Variants in CBR4 observed in about 807,000 individuals in gnomAD.
CBR4 encodes 3-oxoacyl-[acyl-carrier-protein] reductase.
A neutral mutation model predicts 21.0 loss-of-function variants in CBR4; 22 were observed. The ratio of observed to expected loss-of-function variants is 1.05; its 90% confidence interval spans 0.75 to 1.50. The LOEUF (loss-of-function observed/expected upper bound fraction) is 1.50. Ranked by LOEUF, CBR4 falls within the 40% of genes most tolerant of loss-of-function variation. The probability of loss-of-function intolerance (pLI) is 0.00; values close to 1 mark genes in which losing one functional copy is unlikely to be tolerated. For missense variants in CBR4, 302 were observed against 286.3 expected, an observed-to-expected ratio of 1.05 and a Z score of -0.40; for synonymous variants, 100 against 104.4, an observed-to-expected ratio of 0.96 and a Z score of 0.26.
chr4:168,989,380 A>G lies in CBR4; in HGVS notation c.*770T>C. The G allele has an allele frequency of 6.1e-6, 6 of 985,416 alleles. No homozygotes were observed. The highest frequency in any genetic ancestry group is 7.2e-6 in the Non-Finnish European group (6 of 829,886). The allele number at this position is 985,416 out of a possible 1,614,324, so 61.0% of individuals were successfully genotyped here. On this transcript the variant is annotated 3_prime_UTR_variant, in exon 5 of 5. Transcript: ENST00000306193. Reference sequence around the variant, plus strand: ...CTTCACTTATGAGAATTTCTCAAGAATGAGTCAAATGCGCCACATTTAAAT... The same window carrying G: ...CTTCACTTATGAGAATTTCTCAAGAGTGAGTCAAATGCGCCACATTTAAAT...
chr4:168,972,924 G>T (rs1411610447), intron 2 of CBR4, among the ~76,000 whole-genome samples: 1 of 152,162 alleles, frequency 6.6e-6, no homozygotes, highest in African/African-American at 2.4e-5. Flanking sequence ...GTCATAGATG[G>T]CTTTTATTAC....
At chr4:168,944,636 T>C (rs1457134352) in intron 2 of CBR4, among the ~76,000 whole-genome samples, 1 of 152,206 alleles carries the variant, frequency 6.6e-6, no homozygotes, top group East Asian at 1.9e-4. Context: ...AGACAATATA[T>C]ACATTTTCAT....
intron 2 of CBR4, among the ~76,000 whole-genome samples, chr4:168,952,007 GT>G (rs1560959776): frequency 6.6e-6 from 1 of 152,142 alleles, no homozygotes; most frequent in Non-Finnish European, 1.5e-5. Context: ...CCCCAAATAT[GT>G]TTTCCAAATT....
intron 2 of CBR4, among the ~76,000 whole-genome samples, chr4:168,910,282 G>A (rs1431596607): frequency 7.3e-6 from 1 of 137,554 alleles, no homozygotes; most frequent in African/African-American, 2.8e-5. Context: ...TCAAGGATCT[G>A]TTTAGAGCTG....
Position 168,989,857 on chromosome 4 carries a change from T to C in CBR4, c.*293A>G. 9.6e-7 allele frequency: 1 copy of C among 1,045,492 alleles called. No homozygotes were observed. Among genetic ancestry groups the C allele is most frequent in the Non-Finnish European group, 1.2e-6 (1 of 867,486 alleles). 64.8% of individuals were successfully genotyped at this position (1,045,492 alleles called of 1,614,324 possible). On this transcript the variant is annotated 3_prime_UTR_variant, in exon 5 of 5. Transcript: ENST00000306193. ...GGATGATTGCACATGTATTTAAATA[T>C]GTTAAAACCACTGAATTGTGTATTT...
intron 2 of CBR4, among the ~76,000 whole-genome samples, chr4:168,959,799 G>A (rs185936299): frequency 6.6e-4 from 99 of 149,916 alleles, no homozygotes; most frequent in African/African-American, 1.7e-3. Flanking sequence ...TCCTGACCTC[G>A]TAATCCACCT....
intron 2 of CBR4, among the ~76,000 whole-genome samples, chr4:168,980,599 G>A (rs753464194): frequency 6.6e-6 from 1 of 152,154 alleles, no homozygotes; most frequent in African/African-American, 2.4e-5. Flanking sequence ...AGCCAGGTGT[G>A]GTGGCACATG....
chr4:168,894,664 A>G, exon 3 of CBR4: 1 of 1,613,526 alleles, frequency 6.2e-7, no homozygotes, highest in Admixed American at 1.7e-5. Flanking sequence ...CCAGAAGAGG[A>G]AACAGCTAAT....
At chr4:169,003,478 A>G (rs1223384199) in intron 3 of CBR4, among the ~76,000 whole-genome samples, 1 of 152,254 alleles carries the variant, frequency 6.6e-6, no homozygotes, top group Non-Finnish European at 1.5e-5. Context: ...CCTTGTGAAG[A>G]TGTGAATACT....
intron 2 of CBR4, among the ~76,000 whole-genome samples, chr4:168,942,189 C>T (rs181675822): frequency 2.5e-4 from 38 of 151,746 alleles, no homozygotes; most frequent in African/African-American, 8.5e-4. Flanking sequence ...ACAATAAGAA[C>T]TCATGGACAC....
intron 2 of CBR4, among the ~76,000 whole-genome samples, chr4:168,896,136 G>A (rs1755098880): frequency 1.3e-5 from 2 of 151,768 alleles, no homozygotes; most frequent in Non-Finnish European, 2.9e-5. Flanking sequence ...CTTGAACCCA[G>A]GAGACAGAGG....
chr4:169,009,342 G>C (rs1731192720), intron 1 of CBR4, among the ~76,000 whole-genome samples: 1 of 152,164 alleles, frequency 6.6e-6, no homozygotes, highest in Admixed American at 6.5e-5. Flanking sequence ...AAGTTCAATT[G>C]TCCATTTGCA....
intron 2 of CBR4, among the ~76,000 whole-genome samples, chr4:168,929,903 G>A (rs1280422137): frequency 1.3e-5 from 2 of 152,124 alleles, no homozygotes; most frequent in Non-Finnish European, 2.9e-5. Context: ...ATTACAAAAT[G>A]TGTACACACC....
chr4:168,898,394 A>C, intron 2 of CBR4: 2 of 787,252 alleles, frequency 2.5e-6, no homozygotes, highest in South Asian at 2.9e-5. Context: ...GTATGGTAAA[A>C]ATATCACTGT....
At chr4:168,944,710 T>C (rs1222551846) in intron 2 of CBR4, among the ~76,000 whole-genome samples, 1 of 152,234 alleles carries the variant, frequency 6.6e-6, no homozygotes, top group Non-Finnish European at 1.5e-5. Flanking sequence ...GTGTCACAGA[T>C]AATTCTTTTC....
rs932259670 is a variant in CBR4, at chr4:168,905,795, T to C, written n.170-11030A>G. 2.9e-3 allele frequency among the ~76,000 whole-genome samples: 421 copies of C among 147,034 alleles called. 2 individuals carry two copies. The highest frequency in any genetic ancestry group is 0.021 in the Middle Eastern group (6 of 280). On this transcript the variant is annotated intron_variant and non_coding_transcript_variant, in intron 2 of 3. Coordinates refer to the CBR4 transcript ENST00000509108. ...AGCGGAACTTGCTTTTTTTTCTTTT[T>C]TTTTTTTTTTTTTTTCTTTTTTGAG...
At chr4:168,943,464 C>A (rs760798478) in intron 2 of CBR4, among the ~76,000 whole-genome samples, 12 of 152,186 alleles carry the variant, frequency 7.9e-5, no homozygotes, top group Non-Finnish European at 1.3e-4. Flanking sequence ...TATAGTCATG[C>A]TTGAGAAAGC....
At chr4:168,979,550 T>C (rs911416510) in intron 2 of CBR4, among the ~76,000 whole-genome samples, 15 of 75,732 alleles carry the variant, frequency 2.0e-4, no homozygotes, top group African/African-American at 4.5e-4. Flanking sequence ...CCCTCTGCCA[T>C]TGCGGGGCTT....
At chr4:168,950,466 A>G (rs963841088) in intron 2 of CBR4, among the ~76,000 whole-genome samples, 1 of 152,182 alleles carries the variant, frequency 6.6e-6, no homozygotes, top group Non-Finnish European at 1.5e-5. Context: ...AGTGCTTGAT[A>G]TAATTTCAAT....
Sources: gnomAD v4.1 joint callset for allele counts (sites outside exome capture counted in the v4.1 genomes callset) on GRCh38, gnomAD v4.1.1 for gene constraint, MANE v1.5 for transcripts, NCBI Gene and HGNC (gene_info 2026-07-23, HGNC 2026-07-21) for gene names.